Variants in HIBADH observed in about 807,000 individuals in gnomAD.
The protein encoded by HIBADH is 3-hydroxyisobutyrate dehydrogenase, mitochondrial.
HIBADH carries 25 observed loss-of-function variants against 36.1 expected under a neutral mutation model. That is an observed-to-expected ratio of 0.69 (90% CI 0.50 to 0.97). The LOEUF (loss-of-function observed/expected upper bound fraction) is 0.97. Among genes scored for constraint, HIBADH ranks in the 50% least tolerant of loss-of-function variants. The probability of loss-of-function intolerance (pLI) is 0.00; values close to 1 mark genes in which losing one functional copy is unlikely to be tolerated. For synonymous variants in HIBADH, 160 were observed against 149.5 expected (o/e 1.07, Z -0.51); for missense variants, 421 against 418.0 (o/e 1.01, Z -0.06).
At chr7:27,642,586 T>C (rs930134765) in intron 2 of HIBADH, among the ~76,000 whole-genome samples, 21 of 151,846 alleles carry the variant, frequency 1.4e-4, no homozygotes, top group Admixed American at 1.4e-3. Flanking sequence ...TCCTTTGTCC[T>C]CATTCTTAAT....
chr7:27,619,366 A>G (rs75229331), intron 4 of HIBADH, among the ~76,000 whole-genome samples: 5,205 of 152,332 alleles, frequency 0.034, 117 homozygotes, highest in South Asian at 0.093. Context: ...GTTACACCAG[A>G]TGCACAGATA....
intron 4 of HIBADH, among the ~76,000 whole-genome samples, chr7:27,622,868 T>C (rs1785570129): frequency 1.3e-5 from 2 of 152,286 alleles, no homozygotes; most frequent in African/African-American, 4.8e-5. Context: ...TTTGAAACTA[T>C]TCCCAAAAAC....
chr7:27,551,563 G>A (rs1246335622), intron 4 of HIBADH, among the ~76,000 whole-genome samples: 1 of 152,144 alleles, frequency 6.6e-6, no homozygotes. Context: ...CTGACCCAAA[G>A]AATTATGATA....
intron 4 of HIBADH, among the ~76,000 whole-genome samples, chr7:27,578,886 A>G (rs1784752170): frequency 6.6e-6 from 1 of 152,174 alleles, no homozygotes; most frequent in African/African-American, 2.4e-5. Context: ...ATCAGACTCT[A>G]TATGGTAACC....
At position 27,571,105 on chromosome 7, in the gene HIBADH, TTCTC is replaced by T. The variant is rs562691857; in HGVS notation, c.485-28009_485-28006del. 2.4e-4 allele frequency among the ~76,000 whole-genome samples: 37 copies of T among 152,324 alleles called. No individual in the cohort carries two copies. The East Asian group carries it at 6.4e-3, about 26-fold the overall frequency. ...TTTCTTTAGATATCTCATTTACTAATTCTCTCTCTTCTGCTCCCATATACCATTT... is the reference window on the plus strand; with the variant it reads ...TTTCTTTAGATATCTCATTTACTAATTCTCTTCTGCTCCCATATACCATTT... On this transcript the variant is annotated intron_variant, in intron 4 of 7. Coordinates refer to ENST00000265395, the MANE Select transcript of HIBADH (RefSeq NM_152740.4).
intron 4 of HIBADH, among the ~76,000 whole-genome samples, chr7:27,554,373 A>C (rs1784362078): frequency 6.6e-6 from 1 of 152,262 alleles, no homozygotes; most frequent in Non-Finnish European, 1.5e-5. Flanking sequence ...TTCTTTAGGC[A>C]ACACGTGGTT....
In HIBADH at chr7:27,531,910, A is replaced by AT. The variant is rs371425111; in HGVS notation, c.696-563_696-562insA. Among the ~76,000 whole-genome samples, 7 of 60,540 alleles carry AT rather than the reference A, an allele frequency of 1.2e-4. No individual in the cohort carries two copies. In the South Asian group the frequency reaches 3.0e-3, roughly 26 times the overall value. 39.7% of individuals were successfully genotyped at this position (60,540 alleles called of 152,430 possible). ...TTAAGAAAAGTTATTATAAAAGAAG[A>AT]CTTTTTGCTGCAAACTTTTCCTTAT... On this transcript the variant is annotated intron_variant, in intron 6 of 7. Transcript: ENST00000265395.
intron 4 of HIBADH, among the ~76,000 whole-genome samples, chr7:27,579,931 T>TTA (rs915858254): frequency 2.6e-5 from 4 of 152,166 alleles, no homozygotes; most frequent in African/African-American, 7.2e-5. Flanking sequence ...TGCTACTAAG[T>TTA]TATAGCCCAA....
chr7:27,578,384 C>T (rs1784745502), intron 4 of HIBADH, among the ~76,000 whole-genome samples: 1 of 151,630 alleles, frequency 6.6e-6, no homozygotes, highest in East Asian at 1.9e-4. Flanking sequence ...GGCACGATCT[C>T]AGCTCACTGC....
rs577948112 is a variant in HIBADH at position 27,548,802 on chromosome 7, T to C, written c.485-5702A>G. ...GTAGCATCACATACCAAGTGTCAGA[T>C]GAATGAGGGCAATCGCCACCAAATC... On this transcript the variant is annotated intron_variant, in intron 4 of 7. Coordinates refer to ENST00000265395, the MANE Select transcript of HIBADH (RefSeq NM_152740.4). Among the ~76,000 whole-genome samples, 85 of 152,302 alleles carry C rather than the reference T, an allele frequency of 5.6e-4. 2 individuals are homozygous for C. In the South Asian group the frequency reaches 0.013, roughly 24 times the overall value.
chr7:27,642,869 T>C (rs1446148379), intron 2 of HIBADH, among the ~76,000 whole-genome samples: 1 of 152,138 alleles, frequency 6.6e-6, no homozygotes, highest in Non-Finnish European at 1.5e-5. Flanking sequence ...GCCGGGATGG[T>C]CTCGATCTCC....
chr7:27,653,824 T>G (rs1786245653), intron 1 of HIBADH, among the ~76,000 whole-genome samples: 1 of 152,014 alleles, frequency 6.6e-6, no homozygotes, highest in African/African-American at 2.4e-5. Flanking sequence ...TCTCAAAAGT[T>G]AAGAGGTGAA....
intron 2 of HIBADH, among the ~76,000 whole-genome samples, chr7:27,644,683 C>G (rs866443965): frequency 6.6e-6 from 1 of 150,580 alleles, no homozygotes; most frequent in Non-Finnish European, 1.5e-5. Context: ...AAGAATCACT[C>G]GAACCCAGGA....
chr7:27,535,423 T>G (rs1784058613), intron 6 of HIBADH, among the ~76,000 whole-genome samples: 1 of 152,130 alleles, frequency 6.6e-6, no homozygotes, highest in Admixed American at 6.5e-5. Flanking sequence ...TTTCCAGAAG[T>G]TCAGCTGCTT....
intron 4 of HIBADH, among the ~76,000 whole-genome samples, chr7:27,566,367 T>C (rs1385478195): frequency 6.6e-6 from 1 of 151,774 alleles, no homozygotes; most frequent in Admixed American, 6.6e-5. Flanking sequence ...TAGTAGTTTG[T>C]GGCTCTCAAA....
At chr7:27,597,683 C>T (rs1033757087) in intron 4 of HIBADH, among the ~76,000 whole-genome samples, 16 of 152,242 alleles carry the variant, frequency 1.1e-4, no homozygotes, top group Admixed American at 5.2e-4. Flanking sequence ...TTTCCTCCAA[C>T]ACCAATAAAA....
At chr7:27,544,728 A>G (rs180734414) in intron 4 of HIBADH, among the ~76,000 whole-genome samples, 4 of 152,210 alleles carry the variant, frequency 2.6e-5, no homozygotes, top group African/African-American at 9.6e-5. Context: ...ACTATCCATC[A>G]TAGATCAATA....
chr7:27,605,213 C>CT (rs897821216), intron 4 of HIBADH, among the ~76,000 whole-genome samples: 5 of 151,780 alleles, frequency 3.3e-5, no homozygotes, highest in African/African-American at 7.2e-5. Flanking sequence ...TATAATGAGC[C>CT]TTTTTTTATT....
chr7:27,567,842 C>G (rs1382074779), intron 4 of HIBADH, among the ~76,000 whole-genome samples: 1 of 152,132 alleles, frequency 6.6e-6, no homozygotes, highest in Non-Finnish European at 1.5e-5. Context: ...TTACAGATGG[C>G]CTTCGACTTA....
Sources: gnomAD v4.1 joint callset for allele counts (sites outside exome capture counted in the v4.1 genomes callset) on GRCh38, gnomAD v4.1.1 for gene constraint, MANE v1.5 for transcripts, NCBI Gene and HGNC (gene_info 2026-07-23, HGNC 2026-07-21) for gene names.